GEMIN8: variants seen among roughly 807,000 people sequenced by gnomAD.
The protein encoded by GEMIN8 is gem nuclear organelle associated protein 8.
For missense variants in GEMIN8, 185 were observed against 205.9 expected, an observed-to-expected ratio of 0.90 and a Z score of 0.62; for synonymous variants, 80 against 78.5, an observed-to-expected ratio of 1.02 and a Z score of -0.10.
At chrX:14,012,003 A>G (rs756215570) in intron 4 of GEMIN8, among the ~76,000 whole-genome samples, 6 of 111,793 alleles carry the variant, frequency 5.4e-5, no homozygotes, top group Non-Finnish European at 9.4e-5. Flanking sequence ...GCGTGTGCCC[A>G]TGGGTTACCA....
chrX:13,998,648 C>T, the GEMIN8 span, among the ~76,000 whole-genome samples: 1 of 111,269 alleles, frequency 9.0e-6, no homozygotes, highest in African/African-American at 3.3e-5. Context: ...TACAGGGGAC[C>T]TCACTATGTT....
chrX:14,026,702 TTATAAA>T (rs1569374306), intron 1 of GEMIN8, among the ~76,000 whole-genome samples: 1 of 112,471 alleles, frequency 8.9e-6, no homozygotes. Flanking sequence ...ATTTATGTTC[TTATAAA>T]TATAGAATAT....
chrX:14,019,171 AT>A (rs1924137248), intron 4 of GEMIN8, among the ~76,000 whole-genome samples: 1 of 111,749 alleles, frequency 8.9e-6, no homozygotes, highest in Admixed American at 9.5e-5. Flanking sequence ...CTTCTGTGTC[AT>A]TGGAAAATTG....
At chrX:13,993,635 G>A in the GEMIN8 span, among the ~76,000 whole-genome samples, 2 of 108,921 alleles carry the variant, frequency 1.8e-5, no homozygotes, top group Non-Finnish European at 3.8e-5. Flanking sequence ...TGTTGCCCAG[G>A]CTGGTCTGGA....
At position 14,008,886 on chromosome X, in the gene GEMIN8, A is replaced by G; in HGVS notation, c.*27T>C. 1.7e-6 allele frequency: 2 copies of G among 1,190,904 alleles called. No homozygotes were observed. Among genetic ancestry groups the G allele is most frequent in the Non-Finnish European group, 2.3e-6 (2 of 879,535 alleles). ...GAGCGTGTACCCAAAAGGAAGAAGG[A>G]GAGGCTGGGTACCCTGTGCCCTGAG... On this transcript the variant is annotated 3_prime_UTR_variant, in exon 5 of 5. Coordinates refer to ENST00000680255, the MANE Select transcript of GEMIN8 (RefSeq NM_001042479.2).
intron 3 of GEMIN8, 72 bp downstream of exon 3, chrX:14,021,391 AT>A: frequency 1.6e-6 from 1 of 615,546 alleles, no homozygotes; most frequent in Non-Finnish European, 2.6e-6. Flanking sequence ...AACTTAAAGT[AT>A]AAAAAAAAAG....
At chrX:14,002,570 C>T (rs1923014415), downstream of GEMIN8, among the ~76,000 whole-genome samples, 1 of 111,560 alleles carries the variant, frequency 9.0e-6, no homozygotes, top group African/African-American at 3.3e-5. Flanking sequence ...TCACTGCAAC[C>T]TCCGCTCACT....
At chrX:14,016,674 A>G (rs1331607682) in intron 4 of GEMIN8, among the ~76,000 whole-genome samples, 2 of 105,317 alleles carry the variant, frequency 1.9e-5, no homozygotes, top group Non-Finnish European at 3.9e-5. Flanking sequence ...GTGAAACACC[A>G]TCTCTACTAC....
the GEMIN8 span, among the ~76,000 whole-genome samples, chrX:13,992,596 TC>T: frequency 1.8e-5 from 2 of 111,028 alleles, no homozygotes; most frequent in Admixed American, 9.7e-5. Flanking sequence ...TCTATTGAGC[TC>T]CCAATTGATG....
At chrX:13,993,857 G>C in the GEMIN8 span, among the ~76,000 whole-genome samples, 1 of 111,829 alleles carries the variant, frequency 8.9e-6, no homozygotes, top group Admixed American at 9.5e-5. Flanking sequence ...CTGGGAGCTT[G>C]ACAGAAATAC....
intron 4 of GEMIN8, among the ~76,000 whole-genome samples, chrX:14,010,532 A>T (rs1923464777): frequency 8.9e-6 from 1 of 112,441 alleles, no homozygotes; most frequent in Non-Finnish European, 1.9e-5. Context: ...CATGGAACAG[A>T]ACATGGTAGT....
At chrX:14,002,623 C>T (rs1569342019), downstream of GEMIN8, among the ~76,000 whole-genome samples, 1 of 111,223 alleles carries the variant, frequency 9.0e-6, no homozygotes, top group Non-Finnish European at 1.9e-5. Context: ...CCTGCCTCAG[C>T]TTCGGGAGTA....
At chrX:13,987,190 G>C in the GEMIN8 span, among the ~76,000 whole-genome samples, 1 of 111,791 alleles carries the variant, frequency 8.9e-6, no homozygotes, top group African/African-American at 3.3e-5. Flanking sequence ...GTGCTCTCAA[G>C]TCCCTTTTCC....
chrX:13,997,649 C>T, the GEMIN8 span, among the ~76,000 whole-genome samples: 4 of 112,287 alleles, frequency 3.6e-5, no homozygotes, highest in Non-Finnish European at 5.6e-5. Context: ...AATCCCAGCA[C>T]TTTGGGAGGC....
At chrX:13,987,578 G>C in the GEMIN8 span, among the ~76,000 whole-genome samples, 4 of 111,592 alleles carry the variant, frequency 3.6e-5, no homozygotes, top group Non-Finnish European at 7.5e-5. Context: ...TTTCCACTGG[G>C]GGACATGGGA....
At chrX:13,989,759 T>G in the GEMIN8 span, among the ~76,000 whole-genome samples, 3 of 112,615 alleles carry the variant, frequency 2.7e-5, no homozygotes, top group African/African-American at 9.7e-5. Context: ...TGAAACAGCC[T>G]GCGCCTTAGC....
Position 14,007,822 on chromosome X carries a change from G to A in GEMIN8, c.*1091C>T, listed in dbSNP as rs765927470. ...GATTACAGGCATGAGCCACCGCGCC[G>A]GGCCGGAATTATTGTTCTTTGCTCT... On this transcript the variant is annotated 3_prime_UTR_variant, in exon 5 of 5. Coordinates refer to ENST00000680255, the MANE Select transcript of GEMIN8 (RefSeq NM_001042479.2). Among the ~76,000 whole-genome samples the A allele has an allele frequency of 1.9e-5, 2 of 106,891 alleles. No individual in the cohort carries two copies. Among genetic ancestry groups the A allele is most frequent in the East Asian group, 6.1e-4 (2 of 3,285 alleles). 92.8% of individuals were successfully genotyped at this position (106,891 alleles called of 115,157 possible).
chrX:14,013,075 T>C (rs1353273901), intron 4 of GEMIN8, among the ~76,000 whole-genome samples: 1 of 112,609 alleles, frequency 8.9e-6, no homozygotes, highest in Non-Finnish European at 1.9e-5. Flanking sequence ...GGGGACCAAG[T>C]AAACCTCAGA....
At chrX:13,990,407 G>A in the GEMIN8 span, among the ~76,000 whole-genome samples, 285 of 112,806 alleles carry the variant, frequency 2.5e-3, no homozygotes, top group African/African-American at 8.8e-3. Context: ...CCACCCAAGA[G>A]GTGAAGGAGT....
Sources: allele counts gnomAD v4.1 joint callset (sites outside exome capture counted in the v4.1 genomes callset), GRCh38; gene constraint gnomAD v4.1.1; transcripts MANE v1.5; gene names NCBI Gene and HGNC (gene_info 2026-07-23, HGNC 2026-07-21).